Variants in NCOA7 observed in about 807,000 individuals in gnomAD.
The protein encoded by NCOA7 is nuclear receptor coactivator 7.
A neutral mutation model predicts 104.3 loss-of-function variants in NCOA7; 45 were observed. The ratio of observed to expected loss-of-function variants is 0.43; its 90% CI spans 0.34 to 0.55. NCOA7 has a LOEUF of 0.55. Ranked by LOEUF, NCOA7 falls within the 20% of genes least tolerant of loss-of-function variation. NCOA7 has a pLI of 0.02. For synonymous variants in NCOA7, 398 were observed against 402.3 expected (o/e 0.99, Z 0.13); for missense variants, 1,041 against 1,119.7 (o/e 0.93, Z 1.00).
intron 1 of NCOA7, among the ~76,000 whole-genome samples, chr6:125,803,812 C>A (rs1193701992): frequency 6.6e-6 from 1 of 152,130 alleles, no homozygotes; most frequent in Admixed American, 6.5e-5. Context: ...AAAGGCATTC[C>A]ATTTATCTTT....
chr6:125,848,736 C>A (rs1397328666), intron 2 of NCOA7, among the ~76,000 whole-genome samples: 1 of 152,096 alleles, frequency 6.6e-6, no homozygotes, highest in Non-Finnish European at 1.5e-5. Flanking sequence ...CAACATGGCA[C>A]ATGTATACTT....
At position 125,929,856 on chromosome 6, in the gene NCOA7, C is replaced by T. The variant is rs914019865; in HGVS notation, c.*1085C>T. ...CAAGCTTTTACATTAACGAGCAGGC[C>T]TCTGTCTTAAAAGGGACTCAGTATA... On this transcript the variant is annotated 3_prime_UTR_variant, in exon 16 of 16. Transcript: ENST00000392477. 6.6e-6 allele frequency: 1 copy of T among 152,084 alleles called. No homozygotes were observed. Among genetic ancestry groups the T allele is most frequent in the Admixed American group, 6.6e-5 (1 of 15,264 alleles). The allele number at this position is 152,084 out of a possible 1,614,324, so 9.4% of individuals were successfully genotyped here.
intron 8 of NCOA7, among the ~76,000 whole-genome samples, chr6:125,886,418 A>G (rs1435216089): frequency 1.3e-5 from 2 of 152,238 alleles, no homozygotes; most frequent in Admixed American, 1.3e-4. Flanking sequence ...ATACCATTGC[A>G]CATCTTCAGC....
At chr6:125,927,443 A>T (rs371274233) in intron 13 of NCOA7, among the ~76,000 whole-genome samples, 22 of 152,184 alleles carry the variant, frequency 1.4e-4, no homozygotes, top group East Asian at 1.2e-3. Context: ...TGTCAGATGA[A>T]TTTTGCGTGC....
At chr6:125,792,102 A>C (rs1010114354) in intron 1 of NCOA7, among the ~76,000 whole-genome samples, 3 of 152,144 alleles carry the variant, frequency 2.0e-5, no homozygotes, top group Non-Finnish European at 4.4e-5. Context: ...TCTGCATCTT[A>C]TGCAGAATAA....
At chr6:125,921,525 T>C (rs1340042474) in intron 12 of NCOA7, among the ~76,000 whole-genome samples, 2 of 152,170 alleles carry the variant, frequency 1.3e-5, no homozygotes, top group African/African-American at 2.4e-5. Flanking sequence ...TGCCCCCTGC[T>C]CTGCCTCTGA....
intron 2 of NCOA7, among the ~76,000 whole-genome samples, chr6:125,843,721 G>A (rs73584392): frequency 0.036 from 5,460 of 151,810 alleles, 324 homozygotes; most frequent in African/African-American, 0.12. Context: ...TCCCTTTTCT[G>A]GTTCCCTTCC....
At chr6:125,926,046 C>T (rs1787996118) in intron 13 of NCOA7, among the ~76,000 whole-genome samples, 1 of 152,074 alleles carries the variant, frequency 6.6e-6, no homozygotes, top group Non-Finnish European at 1.5e-5. Context: ...TGTGGTGGCT[C>T]ACACCTGTAA....
chr6:125,931,709 GT>G lies in NCOA7; in HGVS notation c.*2942del, dbSNP rs1788470499. ...CTCCCTCTCCTTGATGCCTTTTAAAGTTTTAGAGACACATTGATATGGTTTG... is the reference window on the plus strand; with the variant it reads ...CTCCCTCTCCTTGATGCCTTTTAAAGTTTAGAGACACATTGATATGGTTTG... On this transcript the variant is annotated 3_prime_UTR_variant, in exon 16 of 16. Coordinates refer to ENST00000392477, the MANE Select transcript of NCOA7 (RefSeq NM_181782.5). 1 of 152,148 alleles carries G rather than the reference GT, an allele frequency of 6.6e-6. No homozygotes were observed. The highest frequency in any genetic ancestry group is 2.4e-5 in the African/African-American group (1 of 41,424). 9.4% of individuals were successfully genotyped at this position (152,148 alleles called of 1,614,324 possible). A position where few individuals can be genotyped will look rare whatever the true frequency, so the allele number is the denominator to read the frequency against.
chr6:125,892,022 G>A (rs1784656495), intron 10 of NCOA7, among the ~76,000 whole-genome samples: 1 of 152,104 alleles, frequency 6.6e-6, no homozygotes, highest in East Asian at 1.9e-4. Flanking sequence ...TGTTAAAATT[G>A]GAGTCCTAGA....
chr6:125,803,333 T>C (rs1287662704), intron 1 of NCOA7, among the ~76,000 whole-genome samples: 4 of 152,222 alleles, frequency 2.6e-5, no homozygotes, highest in Admixed American at 1.3e-4. Flanking sequence ...TTATTTTATG[T>C]AAATCTTATC....
chr6:125,922,853 A>T lies in NCOA7; in HGVS notation c.2523+19A>T, dbSNP rs1237741794. 4.4e-6 allele frequency: 7 copies of T among 1,606,980 alleles called. No individual in the cohort carries two copies. In the Admixed American group the frequency reaches 6.8e-5, roughly 16 times the overall value. On this transcript the variant is annotated intron_variant, in intron 13 of 15. Coordinates refer to ENST00000392477, the MANE Select transcript of NCOA7 (RefSeq NM_181782.5). ...TAATCAGGTGAGGCCTGTCCCTCTC[A>T]TAAAGAATATTTTTTAATAATTTTT...
At chr6:125,878,436 T>C in intron 5 of NCOA7, 66 bp downstream of exon 5, 2 of 1,050,776 alleles carry the variant, frequency 1.9e-6, no homozygotes, top group South Asian at 3.2e-5. Flanking sequence ...CCGTTTTCAG[T>C]GCCTCACTAT....
intron 2 of NCOA7, among the ~76,000 whole-genome samples, chr6:125,825,844 T>C (rs1672054025): frequency 6.6e-6 from 1 of 152,144 alleles, no homozygotes; most frequent in East Asian, 1.9e-4. Context: ...ACCACAACTC[T>C]AAGTTTATAT....
chr6:125,926,204 G>T (rs139213600), intron 13 of NCOA7, among the ~76,000 whole-genome samples: 1 of 151,784 alleles, frequency 6.6e-6, no homozygotes, highest in Non-Finnish European at 1.5e-5. Context: ...CCAGCTACTC[G>T]GGAGGCTGAG....
chr6:125,855,444 A>G (rs1781472741), intron 3 of NCOA7: 1 of 498,784 alleles, frequency 2.0e-6, no homozygotes, highest in Non-Finnish European at 3.6e-6. Flanking sequence ...TGTTCCCAGC[A>G]TTTAGCACAG....
chr6:125,846,305 T>G (rs114934888), intron 2 of NCOA7, among the ~76,000 whole-genome samples: 2 of 151,590 alleles, frequency 1.3e-5, no homozygotes, highest in Non-Finnish European at 2.9e-5. Context: ...AGAAAAAACA[T>G]AGGGAAGTGC....
At chr6:125,911,706 C>G (rs1446599677) in intron 10 of NCOA7, among the ~76,000 whole-genome samples, 1 of 151,996 alleles carries the variant, frequency 6.6e-6, no homozygotes, top group African/African-American at 2.4e-5. Flanking sequence ...GGAGCTGAGT[C>G]AGAAAGCATT....
At chr6:125,848,778 C>T (rs985297999) in intron 2 of NCOA7, among the ~76,000 whole-genome samples, 1 of 152,018 alleles carries the variant, frequency 6.6e-6, no homozygotes, top group Non-Finnish European at 1.5e-5. Context: ...TGCACAAGTA[C>T]CCTAGGACTT....
Sources: gnomAD v4.1 joint callset for allele counts (sites outside exome capture counted in the v4.1 genomes callset) on GRCh38, gnomAD v4.1.1 for gene constraint, MANE v1.5 for transcripts, NCBI Gene and HGNC (gene_info 2026-07-23, HGNC 2026-07-21) for gene names.